The following MAP2K1 variants were observed in gnomAD, a reference collection of about 807,000 sequenced individuals.
MAP2K1 encodes mitogen-activated protein kinase kinase 1.
MAP2K1 carries 16 observed loss-of-function variants against 46.3 expected under a neutral mutation model. The ratio of observed to expected loss-of-function variants is 0.35; its 90% CI spans 0.23 to 0.52. The LOEUF is 0.52. Ranked by LOEUF, MAP2K1 falls within the 20% of genes least tolerant of loss-of-function variation. The pLI is 0.94. For synonymous variants in MAP2K1, 183 were observed against 185.6 expected (o/e 0.99, Z 0.11); for missense variants, 263 against 497.1 (o/e 0.53, Z 4.48).
At chr15:66,433,791 T>C (rs896931727) in intron 1 of MAP2K1, among the ~76,000 whole-genome samples, 1 of 152,182 alleles carries the variant, frequency 6.6e-6, no homozygotes, top group Admixed American at 6.5e-5. Context: ...CAATTGTCAC[T>C]GACATGCTTC....
In MAP2K1 at chr15:66,475,982, C is replaced by T. The variant is rs187630014; in HGVS notation, c.569-5773C>T. Among the ~76,000 whole-genome samples, 29 of 152,238 alleles carry T rather than the reference C, an allele frequency of 1.9e-4. 1 individual carries two copies. The East Asian group carries it at 5.6e-3, about 29-fold the overall frequency. On this transcript the variant is annotated intron_variant, in intron 5 of 10. Transcript: ENST00000307102. ...ATAGTTAAACTTCAAAATGTGTGCTCTTGAGGGAAAAATCAGGAGGCTTTG... is the reference window on the plus strand; with the variant it reads ...ATAGTTAAACTTCAAAATGTGTGCTTTTGAGGGAAAAATCAGGAGGCTTTG...
Position 66,448,162 on chromosome 15 carries a change from A to AG in MAP2K1, c.568+3455_568+3456insG, listed in dbSNP as rs1555417208. Among the ~76,000 whole-genome samples the AG allele has an allele frequency of 9.4e-5, 14 of 148,764 alleles. No individual in the cohort carries two copies. The South Asian group carries it at 2.1e-3, about 23-fold the overall frequency. On this transcript the variant is annotated intron_variant, in intron 5 of 10. Transcript: ENST00000307102. The stretch of plus-strand genomic sequence containing the variant: ...AGCAAGACTCCATCTCAAAAAAAAA[A>AG]AAAAAAAAAAACCCACTATTTCCCC...
chr15:66,469,472 CTTTTTTTT>C (rs370379739), intron 5 of MAP2K1, among the ~76,000 whole-genome samples: 7 of 76,634 alleles, frequency 9.1e-5, no homozygotes, highest in South Asian at 1.3e-3. Context: ...CTGGTGCCTC[CTTTTTTTT>C]TTTTTTTTTT....
chr15:66,477,003 T>A (rs1371369608), intron 5 of MAP2K1, among the ~76,000 whole-genome samples: 3 of 152,186 alleles, frequency 2.0e-5, no homozygotes, highest in African/African-American at 7.2e-5. Flanking sequence ...AGTGATCTCA[T>A]GTGCCCAGGT....
rs576168372 is a variant in MAP2K1 at position 66,491,472 on chromosome 15, C to G, written c.*857C>G. Reference sequence around the variant, plus strand: ...TGAAAATCCTTTTAACCATTTTAACCTAGATGTTTAACAAATCTAATCTCT... The same window carrying G: ...TGAAAATCCTTTTAACCATTTTAACGTAGATGTTTAACAAATCTAATCTCT... On this transcript the variant is annotated 3_prime_UTR_variant, in exon 11 of 11. Transcript: ENST00000307102. The G allele has an allele frequency of 1.1e-3, 243 of 215,664 alleles. No individual in the cohort carries two copies. The highest frequency in any genetic ancestry group is 5.2e-3 in the African/African-American group (232 of 44,426). 13.4% of individuals were successfully genotyped at this position (215,664 alleles called of 1,614,324 possible). A position where few individuals can be genotyped will look rare whatever the true frequency, so the allele number is the denominator to read the frequency against.
At chr15:66,404,434 T>C (rs955990173) in intron 1 of MAP2K1, among the ~76,000 whole-genome samples, 4 of 152,218 alleles carry the variant, frequency 2.6e-5, no homozygotes, top group Non-Finnish European at 5.9e-5. Flanking sequence ...TTGCAACACT[T>C]CAATATTTAC....
In MAP2K1 at chr15:66,441,646, G is replaced by T. The variant is rs552320826; in HGVS notation, c.439-1634G>T. On this transcript the variant is annotated intron_variant, in intron 3 of 10. Coordinates refer to ENST00000307102, the MANE Select transcript of MAP2K1 (RefSeq NM_002755.4). The stretch of plus-strand genomic sequence containing the variant: ...CTCTTCATTCAACTGTTTGTTCCCT[G>T]CCTTGTTTCAGAGGAGGATTTAAAA... Among the ~76,000 whole-genome samples the T allele has an allele frequency of 1.4e-4, 22 of 151,796 alleles. 2 individuals are homozygous for T. The South Asian group carries it at 4.6e-3, about 32-fold the overall frequency.
chr15:66,387,438 G>T lies in MAP2K1; in HGVS notation c.80+11G>T. ...GACCAGCTCTGCGGAGTAAGTATGG[G>T]GCGGGCGGTGAACCTCGGGGCCCGG... On this transcript the variant is annotated intron_variant, in intron 1 of 10. Coordinates refer to ENST00000307102, the MANE Select transcript of MAP2K1 (RefSeq NM_002755.4). 6.4e-7 allele frequency: 1 copy of T among 1,553,258 alleles called. No homozygotes were observed. Among genetic ancestry groups the T allele is most frequent in the Non-Finnish European group, 8.7e-7 (1 of 1,147,814 alleles).
intron 7 of MAP2K1, among the ~76,000 whole-genome samples, chr15:66,486,761 G>C (rs1893047100): frequency 6.6e-6 from 1 of 152,238 alleles, no homozygotes; most frequent in Non-Finnish European, 1.5e-5. Flanking sequence ...GGGGAAAGCA[G>C]AGGGGGCTAG....
intron 1 of MAP2K1, among the ~76,000 whole-genome samples, chr15:66,400,059 A>G (rs2093377706): frequency 6.6e-6 from 1 of 152,154 alleles, no homozygotes; most frequent in South Asian, 2.1e-4. Context: ...TAGGAAACAT[A>G]CTTTTTTTGT....
At chr15:66,392,175 T>C (rs2093357381) in intron 1 of MAP2K1, among the ~76,000 whole-genome samples, 1 of 151,414 alleles carries the variant, frequency 6.6e-6, no homozygotes, top group Non-Finnish European at 1.5e-5. Flanking sequence ...GAGCAAATCA[T>C]GTGGCCATGT....
At chr15:66,425,231 T>C (rs2093454855) in intron 1 of MAP2K1, among the ~76,000 whole-genome samples, 1 of 152,236 alleles carries the variant, frequency 6.6e-6, no homozygotes. Context: ...GAGAAAGTTT[T>C]GTATACCTCC....
intron 1 of MAP2K1, among the ~76,000 whole-genome samples, chr15:66,416,946 A>G (rs752575031): frequency 6.6e-6 from 1 of 152,020 alleles, no homozygotes; most frequent in Non-Finnish European, 1.5e-5. Flanking sequence ...TTATTTTGCA[A>G]CGTAATTCAG....
chr15:66,405,815 A>T (rs986582032), intron 1 of MAP2K1, among the ~76,000 whole-genome samples: 2 of 152,222 alleles, frequency 1.3e-5, no homozygotes, highest in Non-Finnish European at 2.9e-5. Flanking sequence ...AAGGAATTCC[A>T]TTCTTAATGT....
chr15:66,489,912 C>CCCA, intron 10 of MAP2K1, 149 bp downstream of exon 10: 1 of 755,142 alleles, frequency 1.3e-6, no homozygotes, highest in South Asian at 1.4e-5. Context: ...AAACACCAGT[C>CCCA]TCCTTTGCTC....
In MAP2K1 at chr15:66,491,305, T is replaced by TTTAAGTTTTGA. The variant is rs1893249689; in HGVS notation, c.*695_*705dup. ...TGTGGGATACTTAGTGGTATGTCTC[T>TTTAAGTTTTGA]TTAAGTTTTGATTAATGTTTCTTAA... On this transcript the variant is annotated 3_prime_UTR_variant, in exon 11 of 11. Coordinates refer to ENST00000307102, the MANE Select transcript of MAP2K1 (RefSeq NM_002755.4). 4.3e-6 allele frequency: 1 copy of TTTAAGTTTTGA among 234,292 alleles called. No individual in the cohort carries two copies. Among genetic ancestry groups the TTTAAGTTTTGA allele is most frequent in the South Asian group, 1.8e-4 (1 of 5,696 alleles). 14.5% of individuals were successfully genotyped at this position (234,292 alleles called of 1,614,324 possible). A position where few individuals can be genotyped will look rare whatever the true frequency, so the allele number is the denominator to read the frequency against.
At chr15:66,479,096 T>C (rs1484705713) in intron 5 of MAP2K1, among the ~76,000 whole-genome samples, 9 of 151,726 alleles carry the variant, frequency 5.9e-5, no homozygotes, top group East Asian at 5.8e-4. Flanking sequence ...GCCTTAGCCT[T>C]CTTTTTTTTT....
At chr15:66,404,280 A>G (rs2093390459) in intron 1 of MAP2K1, among the ~76,000 whole-genome samples, 1 of 152,162 alleles carries the variant, frequency 6.6e-6, no homozygotes, top group African/African-American at 2.4e-5. Flanking sequence ...TGAACCAGGG[A>G]GGTGGTGGTT....
At chr15:66,488,764 TG>T in intron 8 of MAP2K1, 1 of 206,308 alleles carries the variant, frequency 4.8e-6, no homozygotes, top group South Asian at 8.6e-5. Flanking sequence ...GGGCTATGCC[TG>T]GTGGTTTGCA....
Sources: allele counts gnomAD v4.1 joint callset (sites outside exome capture counted in the v4.1 genomes callset), GRCh38; gene constraint gnomAD v4.1.1; transcripts MANE v1.5; gene names NCBI Gene and HGNC (gene_info 2026-07-23, HGNC 2026-07-21).